SMPDL3B: variants seen among roughly 807,000 people sequenced by gnomAD.
The protein encoded by SMPDL3B is acid sphingomyelinase-like phosphodiesterase 3b.
A neutral mutation model predicts 37.9 loss-of-function variants in SMPDL3B; 31 were observed. The ratio of observed to expected loss-of-function variants is 0.82; its 90% confidence interval spans 0.61 to 1.10. The LOEUF (loss-of-function observed/expected upper bound fraction) is 1.10. Among genes scored for constraint, SMPDL3B ranks in the 50% least tolerant of loss-of-function variants. The pLI, the probability that SMPDL3B is intolerant of heterozygous loss-of-function variation, is 0.00. For missense variants in SMPDL3B, 525 were observed against 597.8 expected, an observed-to-expected ratio of 0.88 and a Z score of 1.27; for synonymous variants, 235 against 242.6, an observed-to-expected ratio of 0.97 and a Z score of 0.29.
chr1:27,954,961 C>T (rs2090487357), intron 5 of SMPDL3B, among the ~76,000 whole-genome samples: 1 of 152,236 alleles, frequency 6.6e-6, no homozygotes, highest in Non-Finnish European at 1.5e-5. Flanking sequence ...CAAGTCCTTG[C>T]ACTGACCAGC....
intron 1 of SMPDL3B, among the ~76,000 whole-genome samples, chr1:27,939,248 G>T (rs2090335174): frequency 6.6e-6 from 1 of 152,296 alleles, no homozygotes; most frequent in South Asian, 2.1e-4. Context: ...GCCATTTTAA[G>T]AACTTAGGTT....
rs2090394272 is a variant in SMPDL3B, at chr1:27,945,024, G to A, written c.62-208G>A. On this transcript the variant is annotated intron_variant, in intron 1 of 7. Coordinates refer to ENST00000373894, the MANE Select transcript of SMPDL3B (RefSeq NM_014474.4). This position sits in a 1 kb window ranked among gnomAD's most constrained non-coding sequence, Gnocchi z 4.0. ...GCCTTGCCAAAGGTCAGCGCTCAGG[G>A]ATGGAGCTGAGCCTGTTCTGTGCTC... is the stretch of plus-strand genomic sequence containing the variant. 1.3e-5 allele frequency among the ~76,000 whole-genome samples: 2 copies of A among 152,172 alleles called. No individual in the cohort carries two copies. The highest frequency in any genetic ancestry group is 4.8e-5 in the African/African-American group (2 of 41,430).
intron 3 of SMPDL3B, 97 bp downstream of exon 3, chr1:27,949,259 C>G: frequency 7.8e-7 from 1 of 1,286,448 alleles, no homozygotes; most frequent in South Asian, 1.2e-5. Flanking sequence ...CCTGGCTGAC[C>G]TTCATCCATG....
intron 7 of SMPDL3B, 34 bp downstream of exon 7, chr1:27,956,116 T>C: frequency 6.2e-7 from 1 of 1,613,758 alleles, no homozygotes; most frequent in Middle Eastern, 1.6e-4. Context: ...AGGAGGAGGG[T>C]GGGAGGGGCT....
Position 27,945,407 on chromosome 1 carries a change from G to C in SMPDL3B, c.237G>C (p.Lys79Asn), listed in dbSNP as rs143396392. ...TCAACTCCTCCATCTATGCCATGAAGGAGATTGAGCCAGAGCCAGACTTCA... is the reference window on the plus strand; with the variant it reads ...TCAACTCCTCCATCTATGCCATGAACGAGATTGAGCCAGAGCCAGACTTCA... The part of the protein sequence containing the change: ...ALINSSIYAM[K>N]EIEPEPDFIL... Residue 79 changes from lysine (K) to asparagine (N), a missense_variant, in exon 2 of 8, where the codon AAG becomes AAC. Physicochemically the swap from Lys to Asn is moderately conservative, Grantham distance 94 (BLOSUM62 0). Transcript: ENST00000373894. The surrounding 1 kb of genome is among the most constrained non-coding windows in gnomAD (Gnocchi z 4.0). 1,282 of 1,614,168 alleles carry C rather than the reference G, an allele frequency of 7.9e-4. 2 individuals are homozygous for C. Among genetic ancestry groups the C allele is most frequent in the South Asian group, 8.6e-4 (78 of 91,086 alleles).
At chr1:27,956,441 C>T (rs997167502) in intron 7 of SMPDL3B, 2 of 1,272,728 alleles carry the variant, frequency 1.6e-6, no homozygotes, top group African/African-American at 3.0e-5. Flanking sequence ...AGTGGCTCCC[C>T]AGTGCCTTCA....
chr1:27,954,049 C>A (rs1428775348), intron 4 of SMPDL3B, among the ~76,000 whole-genome samples: 1 of 152,186 alleles, frequency 6.6e-6, no homozygotes, highest in African/African-American at 2.4e-5. Flanking sequence ...AGTGAAGGGT[C>A]GACAGTGGAT....
In SMPDL3B at chr1:27,953,273, A is replaced by T; in HGVS notation, c.432A>T (p.Pro144=). ...NHDFHPKNQF[P]AGSNNIYNQI... ...ATTTTCACCCCAAAAACCAGTTCCC[A>T]GCTGGAAGTAACAACATCTACAATC... is the stretch of plus-strand genomic sequence containing the variant. The change falls in exon 4 of 8, where the codon CCA becomes CCT. Residue 144 remains proline, a synonymous_variant. Coordinates refer to ENST00000373894, the MANE Select transcript of SMPDL3B (RefSeq NM_014474.4). 1 of 1,613,812 alleles carries T rather than the reference A, an allele frequency of 6.2e-7. No individual in the cohort carries two copies. The highest frequency in any genetic ancestry group is 1.1e-5 in the South Asian group (1 of 91,080).
In SMPDL3B at chr1:27,954,408, T is replaced by C. The variant is rs2148680663; in HGVS notation, c.572T>C (p.Val191Ala). The C allele has an allele frequency of 6.2e-7, 1 of 1,614,060 alleles. No homozygotes were observed. ...CCCAGCGGGGCTGGGCGAATTGTGG[T>C]CCTCAACACCAATCTGTACTATACC... ...PGPSGAGRIVVLNTNLYYTSN... is the reference protein window; with the variant it reads ...PGPSGAGRIVALNTNLYYTSN... The change falls in exon 5 of 8, where the codon GTC (valine) becomes GCC (alanine). Residue 191 changes from valine (V) to alanine (A), a missense_variant. Transcript: ENST00000373894.
At chr1:27,935,302 C>T (rs899316790) in intron 1 of SMPDL3B, 58 bp downstream of exon 1, 30 of 1,325,096 alleles carry the variant, frequency 2.3e-5, no homozygotes, top group African/African-American at 5.8e-5. Flanking sequence ...TCTGGGGCTG[C>T]GGGAAGCTGC....
At chr1:27,956,543 C>T in intron 7 of SMPDL3B, 1 of 1,044,282 alleles carries the variant, frequency 9.6e-7, no homozygotes, top group Non-Finnish European at 1.2e-6. Flanking sequence ...ACAGACGAGG[C>T]TCCAGCCCCT....
At chr1:27,949,715 C>T (rs1449498856) in intron 3 of SMPDL3B, among the ~76,000 whole-genome samples, 2 of 152,094 alleles carry the variant, frequency 1.3e-5, no homozygotes, top group Admixed American at 6.5e-5. Flanking sequence ...CATCTGATGG[C>T]CCTTGCAAAT....
intron 2 of SMPDL3B, among the ~76,000 whole-genome samples, chr1:27,947,617 CAAAA>C (rs561983354): frequency 1.2e-5 from 1 of 85,524 alleles, no homozygotes; most frequent in Non-Finnish European, 2.3e-5. Flanking sequence ...GACTCCATCT[CAAAA>C]AAAAAAAAAA....
chr1:27,941,033 C>T (rs2090353305), intron 1 of SMPDL3B, among the ~76,000 whole-genome samples: 1 of 152,148 alleles, frequency 6.6e-6, no homozygotes, highest in African/African-American at 2.4e-5. Flanking sequence ...TGCCCAAAGC[C>T]CCTAGGCAAA....
chr1:27,946,505 T>G (rs4908379), intron 2 of SMPDL3B, among the ~76,000 whole-genome samples: 96,919 of 151,986 alleles, frequency 0.64, 31,132 homozygotes, highest in South Asian at 0.77. Flanking sequence ...GGAGCTCACG[T>G]TCTTGTGGGC....
At chr1:27,950,640 A>AT (rs1297078379) in intron 3 of SMPDL3B, among the ~76,000 whole-genome samples, 1 of 151,846 alleles carries the variant, frequency 6.6e-6, no homozygotes, top group South Asian at 2.1e-4. Context: ...TTATTTTTTT[A>AT]TTTTTTTAAG....
intron 1 of SMPDL3B, among the ~76,000 whole-genome samples, chr1:27,935,943 G>C (rs1009429987): frequency 1.3e-5 from 2 of 152,166 alleles, no homozygotes; most frequent in Non-Finnish European, 1.5e-5. Context: ...GCTGAAGCAG[G>C]GTGGGCAGGA....
chr1:27,954,340 C>T lies in SMPDL3B; in HGVS notation c.518-14C>T. ...AGGTGGGGGCCTCCTTCATATTGTCCCTGGCTGTGACAGGTGCCTTCTACT... is the reference window on the plus strand; with the variant it reads ...AGGTGGGGGCCTCCTTCATATTGTCTCTGGCTGTGACAGGTGCCTTCTACT... On this transcript the variant is annotated splice_polypyrimidine_tract_variant and intron_variant, in intron 4 of 7. Coordinates refer to ENST00000373894, the MANE Select transcript of SMPDL3B (RefSeq NM_014474.4). 1 of 1,610,470 alleles carries T rather than the reference C, an allele frequency of 6.2e-7. No homozygotes were observed. The highest frequency in any genetic ancestry group is 8.5e-7 in the Non-Finnish European group (1 of 1,177,622).
At chr1:27,956,297 A>G in intron 7 of SMPDL3B, 1 of 1,505,544 alleles carries the variant, frequency 6.6e-7, no homozygotes. Flanking sequence ...CCCCTGGATG[A>G]CTGTCACAGC....
Sources: gnomAD v4.1 joint callset for allele counts (sites outside exome capture counted in the v4.1 genomes callset) on GRCh38, gnomAD v4.1.1 for gene constraint, Gnocchi (gnomAD v3.1) non-coding constraint, MANE v1.5 for transcripts, NCBI Gene and HGNC (gene_info 2026-07-23, HGNC 2026-07-21) for gene names.